CDK6: variants seen among roughly 807,000 people sequenced by gnomAD.
CDK6 encodes cyclin dependent kinase 6.
A neutral mutation model predicts 37.1 loss-of-function variants in CDK6; 6 were observed. The observed-to-expected ratio is 0.16, with a 90% CI of 0.09 to 0.32. CDK6 has a LOEUF of 0.32. Ranked by LOEUF, CDK6 falls within the 10% of genes least tolerant of loss-of-function variation. The pLI, the probability that CDK6 is intolerant of heterozygous loss-of-function variation, is 1.00. For missense variants in CDK6, 224 were observed against 418.9 expected, an observed-to-expected ratio of 0.53 and a Z score of 4.06; for synonymous variants, 160 against 161.3, an observed-to-expected ratio of 0.99 and a Z score of 0.06.
intron 5 of CDK6, among the ~76,000 whole-genome samples, chr7:92,657,574 T>C (rs975281067): frequency 6.6e-6 from 1 of 152,188 alleles, no homozygotes; most frequent in Non-Finnish European, 1.5e-5. Context: ...TTTTTTTAAC[T>C]GACAAAATGA....
At chr7:92,782,738 T>C (rs1408058136) in intron 2 of CDK6, among the ~76,000 whole-genome samples, 3 of 152,194 alleles carry the variant, frequency 2.0e-5, no homozygotes. Context: ...ATTTATTAAT[T>C]ATGTGAGTCA....
At chr7:92,685,915 C>G (rs181609093) in intron 4 of CDK6, among the ~76,000 whole-genome samples, 1 of 152,318 alleles carries the variant, frequency 6.6e-6, no homozygotes, top group African/African-American at 2.4e-5. Context: ...GCTTTCCGTT[C>G]TTTTGTTTCT....
chr7:92,669,076 C>CCCT lies in CDK6; in HGVS notation c.647+2347_647+2349dup, dbSNP rs377378459. 2.9e-3 allele frequency among the ~76,000 whole-genome samples: 441 copies of CCCT among 152,344 alleles called. 1 individual carries two copies. The highest frequency in any genetic ancestry group is 0.01 in the African/African-American group (418 of 41,580). On this transcript the variant is annotated intron_variant, in intron 5 of 7. Transcript: ENST00000424848. ...ACTGCTGCCACTATCATCAAAGGAA[C>CCCT]CCTCCCCTGAGCCTCCAATATTTGA...
rs1795544236 is a variant in CDK6 at position 92,610,673 on chromosome 7, TC to T, written c.*4466del. ...TCATGCTTTTGAGGAAAACAGCATT[TC>T]TAATTACTCTAAGGACTTACATTTC... On this transcript the variant is annotated 3_prime_UTR_variant, in exon 8 of 8. Transcript: ENST00000424848. 4.4e-6 allele frequency: 1 copy of T among 227,156 alleles called. No homozygotes were observed. The highest frequency in any genetic ancestry group is 2.2e-5 in the African/African-American group (1 of 45,044). The allele number at this position is 227,156 out of a possible 1,614,324, so 14.1% of individuals were successfully genotyped here.
intron 3 of CDK6, among the ~76,000 whole-genome samples, chr7:92,747,961 C>T (rs543515135): frequency 1.2e-4 from 19 of 152,216 alleles, no homozygotes; most frequent in Middle Eastern, 3.4e-3. Context: ...CTAAAAATTA[C>T]CATTTCAATT....
In CDK6 at chr7:92,705,245, C is replaced by T. The variant is rs959284964; in HGVS notation, c.537+20381G>A. On this transcript the variant is annotated intron_variant, in intron 4 of 7. Coordinates refer to ENST00000424848, the MANE Select transcript of CDK6 (RefSeq NM_001145306.2). ...TTTTGCTTCTGTGAAAATTTCTTTA[C>T]CTCATTAGTATACTGTGTACTTAGA... Among the ~76,000 whole-genome samples, 3 of 152,150 alleles carry T rather than the reference C, an allele frequency of 2.0e-5. No individual in the cohort carries two copies. The East Asian group carries it at 5.8e-4, about 29-fold the overall frequency.
At chr7:92,675,777 C>T (rs1328734204) in intron 4 of CDK6, among the ~76,000 whole-genome samples, 1 of 152,190 alleles carries the variant, frequency 6.6e-6, no homozygotes, top group Admixed American at 6.5e-5. Flanking sequence ...GTCTGCTCAG[C>T]TTTCAACCTC....
At chr7:92,714,453 G>A (rs1798175215) in intron 4 of CDK6, among the ~76,000 whole-genome samples, 1 of 152,164 alleles carries the variant, frequency 6.6e-6, no homozygotes, top group Non-Finnish European at 1.5e-5. Context: ...CTGCATTCCG[G>A]AGCTCAGAGT....
Position 92,609,651 on chromosome 7 carries a change from G to A in CDK6, c.*5489C>T, listed in dbSNP as rs552060221. ...CAATGTTGAAAGGCCACCATGCTAG[G>A]GAATTTGAAAGCAGCAGAGAGGGTA... is the stretch of plus-strand genomic sequence containing the variant. On this transcript the variant is annotated 3_prime_UTR_variant, in exon 8 of 8. Coordinates refer to ENST00000424848, the MANE Select transcript of CDK6 (RefSeq NM_001145306.2). 4.3e-6 allele frequency: 1 copy of A among 231,282 alleles called. No individual in the cohort carries two copies. Among genetic ancestry groups the A allele is most frequent in the Non-Finnish European group, 8.6e-6 (1 of 116,934 alleles). 14.3% of individuals were successfully genotyped at this position (231,282 alleles called of 1,614,324 possible). A position where few individuals can be genotyped will look rare whatever the true frequency, so the allele number is the denominator to read the frequency against.
At chr7:92,623,008 C>T in intron 6 of CDK6, 28 bp downstream of exon 6, 1 of 1,396,180 alleles carries the variant, frequency 7.2e-7, no homozygotes, top group Non-Finnish European at 1.0e-6. Flanking sequence ...GCTATGGACA[C>T]TGGTGTAAAA....
intron 7 of CDK6, among the ~76,000 whole-genome samples, chr7:92,616,054 G>A (rs1483010784): frequency 6.6e-6 from 1 of 152,056 alleles, no homozygotes; most frequent in Non-Finnish European, 1.5e-5. Flanking sequence ...TGCCTAGCAG[G>A]TGGCAAGCAC....
chr7:92,803,120 T>C (rs1800627010), intron 2 of CDK6, among the ~76,000 whole-genome samples: 1 of 152,348 alleles, frequency 6.6e-6, no homozygotes, highest in South Asian at 2.1e-4. Context: ...TATTTGTACA[T>C]ATCATTTCAA....
chr7:92,796,102 A>AG (rs1800403788), intron 2 of CDK6, among the ~76,000 whole-genome samples: 2 of 151,740 alleles, frequency 1.3e-5, no homozygotes, highest in African/African-American at 4.8e-5. Context: ...AAAAAAAAAA[A>AG]AAACTCATCC....
chr7:92,625,219 A>AACACACACACACAC (rs71699291), intron 5 of CDK6, among the ~76,000 whole-genome samples: 1 of 141,890 alleles, frequency 7.0e-6, no homozygotes, highest in African/African-American at 2.6e-5. Flanking sequence ...GTGGTAACTA[A>AACACACACACACAC]ACACACACAC....
At chr7:92,642,026 CTGTT>C (rs1311332242) in intron 5 of CDK6, among the ~76,000 whole-genome samples, 1 of 152,136 alleles carries the variant, frequency 6.6e-6, no homozygotes, top group Admixed American at 6.5e-5. Context: ...TTCCTGCTGA[CTGTT>C]TGGAGTTCCC....
chr7:92,681,704 C>T (rs962263235), intron 4 of CDK6, among the ~76,000 whole-genome samples: 4 of 152,204 alleles, frequency 2.6e-5, no homozygotes, highest in Non-Finnish European at 5.9e-5. Flanking sequence ...CAGAATGCTA[C>T]GGTCCTGTCC....
At chr7:92,723,910 C>CA (rs576591781) in intron 4 of CDK6, among the ~76,000 whole-genome samples, 18,519 of 83,646 alleles carry the variant, frequency 0.22, 1,491 homozygotes, top group Middle Eastern at 0.33. Flanking sequence ...ATTTAATAAG[C>CA]AAAAAAAAAA....
chr7:92,624,223 T>C (rs189692652), intron 5 of CDK6, among the ~76,000 whole-genome samples: 1 of 152,298 alleles, frequency 6.6e-6, no homozygotes, highest in East Asian at 1.9e-4. Context: ...TGCAAGGTGA[T>C]GGGCTGAATT....
Position 92,605,377 on chromosome 7 carries a change from G to A in CDK6, c.*9763C>T, listed in dbSNP as rs2116456747. 4.3e-6 allele frequency: 1 copy of A among 233,414 alleles called. No homozygotes were observed. The highest frequency in any genetic ancestry group is 8.5e-6 in the Non-Finnish European group (1 of 117,928). 14.5% of individuals were successfully genotyped at this position (233,414 alleles called of 1,614,324 possible). ...CCCTTTCCCAATAAGTCAGAGTAAG[G>A]GGCAGGTAAGAATGGCTATCTGACT... On this transcript the variant is annotated 3_prime_UTR_variant, in exon 8 of 8. Transcript: ENST00000424848.
Sources: allele counts gnomAD v4.1 joint callset (sites outside exome capture counted in the v4.1 genomes callset), GRCh38; gene constraint gnomAD v4.1.1; transcripts MANE v1.5; gene names NCBI Gene and HGNC (gene_info 2026-07-23, HGNC 2026-07-21).